Variants in TAFA4 observed in about 807,000 individuals in gnomAD.
TAFA4 encodes TAFA chemokine like family member 4.
A neutral mutation model predicts 21.1 loss-of-function variants in TAFA4; 20 were observed. The ratio of observed to expected loss-of-function variants is 0.95; its 90% CI spans 0.67 to 1.38. TAFA4 has a LOEUF of 1.38. TAFA4 is among the 40% of genes most tolerant of loss of function. The pLI is 0.00. For synonymous variants in TAFA4, 71 were observed against 67.4 expected, an observed-to-expected ratio of 1.05 and a Z score of -0.26; for missense variants, 211 against 180.9, an observed-to-expected ratio of 1.17 and a Z score of -0.95.
intron 3 of TAFA4, among the ~76,000 whole-genome samples, chr3:68,783,673 CAGAGAGAGAGAGAG>C (rs1163439201): frequency 2.3e-5 from 2 of 86,130 alleles, no homozygotes; most frequent in African/African-American, 5.0e-5. Context: ...CACACACACA[CAGAGAGAGAGAGAG>C]AGAGAGAGAG....
intron 3 of TAFA4, among the ~76,000 whole-genome samples, chr3:68,806,038 A>G (rs140185519): frequency 6.6e-6 from 1 of 152,180 alleles, no homozygotes; most frequent in African/African-American, 2.4e-5. Context: ...AAAATAACTC[A>G]AAAACAACAA....
intron 1 of TAFA4, 36 bp from the exon 2 acceptor site, chr3:68,885,346 A>G (rs1200749196): frequency 6.6e-6 from 4 of 607,344 alleles, no homozygotes; most frequent in Non-Finnish European, 1.1e-5. Flanking sequence ...AAAGGAATCA[A>G]TTAGCATTTT....
At chr3:68,812,599 G>C (rs945386006) in intron 3 of TAFA4, among the ~76,000 whole-genome samples, 1 of 152,128 alleles carries the variant, frequency 6.6e-6, no homozygotes, top group Non-Finnish European at 1.5e-5. Context: ...TAATGGTAAA[G>C]GGATCAATTT....
At chr3:68,822,597 G>A (rs141526699) in intron 3 of TAFA4, among the ~76,000 whole-genome samples, 4 of 152,048 alleles carry the variant, frequency 2.6e-5, no homozygotes, top group Non-Finnish European at 4.4e-5. Context: ...TCGGCCTCCC[G>A]AGTAGCCTGG....
At chr3:68,759,647 G>T (rs972677537) in intron 3 of TAFA4, among the ~76,000 whole-genome samples, 1 of 152,128 alleles carries the variant, frequency 6.6e-6, no homozygotes, top group African/African-American at 2.4e-5. Flanking sequence ...GCTAAATATT[G>T]AGAACATAAC....
At chr3:68,869,344 T>G (rs1430197325) in intron 3 of TAFA4, among the ~76,000 whole-genome samples, 2 of 152,080 alleles carry the variant, frequency 1.3e-5, no homozygotes, top group South Asian at 2.1e-4. Flanking sequence ...AGAGGTAATA[T>G]GTGCAAATTC....
chr3:68,888,424 A>T (rs2089695894), intron 1 of TAFA4, among the ~76,000 whole-genome samples: 1 of 152,072 alleles, frequency 6.6e-6, no homozygotes, highest in Non-Finnish European at 1.5e-5. Context: ...TTAACACTCC[A>T]TTCACAGCAA....
chr3:68,813,415 C>T (rs1241759271), intron 3 of TAFA4, among the ~76,000 whole-genome samples: 1 of 151,954 alleles, frequency 6.6e-6, no homozygotes, highest in South Asian at 2.1e-4. Flanking sequence ...AATTGATAGA[C>T]CACTAGCAAG....
At chr3:68,912,231 G>A (rs896535966) in intron 1 of TAFA4, among the ~76,000 whole-genome samples, 15 of 152,092 alleles carry the variant, frequency 9.9e-5, no homozygotes, top group African/African-American at 3.6e-4. Context: ...AAACCACAGG[G>A]AAGACCTGAA....
At chr3:68,920,367 A>T (rs2090046837) in intron 1 of TAFA4, among the ~76,000 whole-genome samples, 1 of 152,234 alleles carries the variant, frequency 6.6e-6, no homozygotes, top group South Asian at 2.1e-4. Context: ...ATATTTTCAC[A>T]TTATACTTTT....
intron 1 of TAFA4, among the ~76,000 whole-genome samples, chr3:68,931,858 G>A (rs2090162131): frequency 6.6e-6 from 1 of 152,144 alleles, no homozygotes; most frequent in Admixed American, 6.5e-5. Flanking sequence ...AAGCGCTAAG[G>A]TCGACTTGTC....
chr3:68,811,391 T>A (rs1415242439), intron 3 of TAFA4, among the ~76,000 whole-genome samples: 8 of 152,278 alleles, frequency 5.3e-5, no homozygotes, highest in African/African-American at 7.2e-5. Context: ...AAGGAGTAAG[T>A]TCGAACCCAT....
chr3:68,795,569 C>T (rs1703440616), intron 3 of TAFA4, among the ~76,000 whole-genome samples: 1 of 152,152 alleles, frequency 6.6e-6, no homozygotes. Context: ...TTGCTCTATC[C>T]TGCTAAACCA....
intron 1 of TAFA4, among the ~76,000 whole-genome samples, chr3:68,914,786 G>A (rs576758700): frequency 6.6e-6 from 1 of 152,204 alleles, no homozygotes; most frequent in East Asian, 1.9e-4. Flanking sequence ...TTTGTCCATG[G>A]GCCAAATCCA....
At chr3:68,787,542 G>C (rs1703283832) in intron 3 of TAFA4, among the ~76,000 whole-genome samples, 1 of 152,162 alleles carries the variant, frequency 6.6e-6, no homozygotes, top group Non-Finnish European at 1.5e-5. Flanking sequence ...AAAGAAGAAA[G>C]AAGGGAAGAG....
intron 1 of TAFA4, among the ~76,000 whole-genome samples, chr3:68,914,463 G>T (rs2089986066): frequency 6.6e-6 from 1 of 152,114 alleles, no homozygotes; most frequent in Admixed American, 6.5e-5. Flanking sequence ...ATTGTAAATT[G>T]CACCTCAAGT....
chr3:68,888,162 TA>T (rs2089693241), intron 1 of TAFA4, among the ~76,000 whole-genome samples: 1 of 152,266 alleles, frequency 6.6e-6, no homozygotes, highest in Non-Finnish European at 1.5e-5. Context: ...TGGAATCTTA[TA>T]AAACACTTCC....
chr3:68,929,269 A>G (rs184033758), intron 1 of TAFA4, among the ~76,000 whole-genome samples: 1 of 152,350 alleles, frequency 6.6e-6, no homozygotes, highest in Admixed American at 6.5e-5. Flanking sequence ...TTCAGAAATA[A>G]CATTTTCAAA....
At chr3:68,785,957 T>G (rs897292417) in intron 3 of TAFA4, among the ~76,000 whole-genome samples, 1 of 152,196 alleles carries the variant, frequency 6.6e-6, no homozygotes, top group Non-Finnish European at 1.5e-5. Context: ...ACAATGATCA[T>G]GTACAAGGCC....
Sources: allele counts gnomAD v4.1 joint callset (sites outside exome capture counted in the v4.1 genomes callset), GRCh38; gene constraint gnomAD v4.1.1; transcripts MANE v1.5; gene names NCBI Gene and HGNC (gene_info 2026-07-23, HGNC 2026-07-21).